GAP43: variants seen among roughly 807,000 people sequenced by gnomAD.
The protein encoded by GAP43 is growth associated protein 43.
In GAP43, 6 loss-of-function variants were observed where a neutral mutation model predicts 18.6. The ratio of observed to expected loss-of-function variants is 0.32; its 90% confidence interval spans 0.18 to 0.64. GAP43 has a LOEUF of 0.64. Among genes scored for constraint, GAP43 ranks in the 30% least tolerant of loss-of-function variants. The pLI, the probability that GAP43 is intolerant of heterozygous loss-of-function variation, is 0.78. For missense variants in GAP43, 292 were observed against 295.5 expected, an observed-to-expected ratio of 0.99 and a Z score of 0.09; for synonymous variants, 115 against 111.4, an observed-to-expected ratio of 1.03 and a Z score of -0.20.
chr3:115,692,724 G>A (rs1709129795), intron 2 of GAP43, among the ~76,000 whole-genome samples: 1 of 152,126 alleles, frequency 6.6e-6, no homozygotes, highest in Non-Finnish European at 1.5e-5. Flanking sequence ...AGCAAATAGA[G>A]GGTGGTTAAA....
At chr3:115,692,476 CA>C (rs1257292150) in intron 2 of GAP43, among the ~76,000 whole-genome samples, 1 of 151,990 alleles carries the variant, frequency 6.6e-6, no homozygotes, top group Non-Finnish European at 1.5e-5. Context: ...AAAACAGAAA[CA>C]AAAAAGACTC....
intron 1 of GAP43, among the ~76,000 whole-genome samples, chr3:115,653,432 A>C (rs1392881589): frequency 6.6e-6 from 1 of 152,052 alleles, no homozygotes; most frequent in Non-Finnish European, 1.5e-5. Context: ...ACAGAGTGAG[A>C]CTCTGTCTTA....
chr3:115,629,859 T>C (rs1295082555), intron 1 of GAP43, among the ~76,000 whole-genome samples: 1 of 152,168 alleles, frequency 6.6e-6, no homozygotes, highest in African/African-American at 2.4e-5. Flanking sequence ...CTAGGAGATT[T>C]TTAAAAAAAT....
chr3:115,687,115 C>CTTTT (rs34355376), intron 2 of GAP43, among the ~76,000 whole-genome samples: 2 of 140,212 alleles, frequency 1.4e-5, no homozygotes, highest in Admixed American at 7.0e-5. Flanking sequence ...AATCCCCCCT[C>CTTTT]TTTTTTTTTT....
intron 1 of GAP43, among the ~76,000 whole-genome samples, chr3:115,667,433 G>C (rs1392769406): frequency 6.6e-6 from 1 of 152,196 alleles, no homozygotes; most frequent in African/African-American, 2.4e-5. Flanking sequence ...AACTTATGAA[G>C]GGGGTTTAAT....
chr3:115,693,088 C>T (rs1709134850), intron 2 of GAP43, among the ~76,000 whole-genome samples: 1 of 152,114 alleles, frequency 6.6e-6, no homozygotes, highest in African/African-American at 2.4e-5. Context: ...ACACTGGTGC[C>T]CTCTGCTGGG....
At chr3:115,683,086 C>G (rs573047854) in intron 2 of GAP43, among the ~76,000 whole-genome samples, 1 of 151,802 alleles carries the variant, frequency 6.6e-6, no homozygotes, top group African/African-American at 2.4e-5. Flanking sequence ...TATTAACACA[C>G]ATTCATAAAA....
chr3:115,657,289 A>C (rs1386623047), intron 1 of GAP43, among the ~76,000 whole-genome samples: 1 of 152,176 alleles, frequency 6.6e-6, no homozygotes, highest in Non-Finnish European at 1.5e-5. Context: ...CTAAGGAGAA[A>C]GACTGCTTAG....
intron 1 of GAP43, among the ~76,000 whole-genome samples, chr3:115,671,620 A>G (rs1172672385): frequency 6.6e-6 from 1 of 152,242 alleles, no homozygotes; most frequent in African/African-American, 2.4e-5. Flanking sequence ...AATGTACTGC[A>G]CTGGAATGTC....
At chr3:115,653,167 C>A (rs187306592) in intron 1 of GAP43, among the ~76,000 whole-genome samples, 1 of 152,066 alleles carries the variant, frequency 6.6e-6, no homozygotes, top group African/African-American at 2.4e-5. Context: ...GGGCTAGGTG[C>A]GGTGGCTCAT....
intron 1 of GAP43, among the ~76,000 whole-genome samples, chr3:115,671,883 G>C (rs1010353231): frequency 6.6e-6 from 1 of 152,174 alleles, no homozygotes; most frequent in African/African-American, 2.4e-5. Flanking sequence ...TGTAAGATCA[G>C]GTGTCTACTG....
intron 2 of GAP43, among the ~76,000 whole-genome samples, chr3:115,709,225 G>A (rs150292603): frequency 2.0e-5 from 3 of 152,140 alleles, no homozygotes; most frequent in Non-Finnish European, 4.4e-5. Context: ...TACTCCAGAC[G>A]CCCTGCCTCC....
intron 2 of GAP43, among the ~76,000 whole-genome samples, chr3:115,689,583 C>T (rs1056941893): frequency 6.6e-5 from 10 of 152,162 alleles, no homozygotes; most frequent in African/African-American, 1.7e-4. Context: ...TTTTCCATGA[C>T]CCATTTCTAA....
chr3:115,694,761 C>T (rs1332821173), intron 2 of GAP43, among the ~76,000 whole-genome samples: 1 of 152,176 alleles, frequency 6.6e-6, no homozygotes, highest in Non-Finnish European at 1.5e-5. Context: ...AGGAACAGCA[C>T]ATTTACAGTA....
chr3:115,702,543 C>T (rs753017580), intron 2 of GAP43, among the ~76,000 whole-genome samples: 1 of 152,024 alleles, frequency 6.6e-6, no homozygotes, highest in Non-Finnish European at 1.5e-5. Context: ...CAAAATGCAC[C>T]AACAGTTAAG....
chr3:115,652,328 G>A (rs182400926), intron 1 of GAP43, among the ~76,000 whole-genome samples: 4 of 95,050 alleles, frequency 4.2e-5, no homozygotes, highest in African/African-American at 1.5e-4. Context: ...CTATATTCCT[G>A]TATTCCTGAT....
intron 2 of GAP43, among the ~76,000 whole-genome samples, chr3:115,704,296 C>T (rs1232212292): frequency 1.3e-5 from 2 of 152,026 alleles, no homozygotes; most frequent in African/African-American, 2.4e-5. Context: ...GTGCAACGAT[C>T]TCTTAAATTC....
chr3:115,648,339 C>T (rs1708482339), intron 1 of GAP43, among the ~76,000 whole-genome samples: 1 of 152,052 alleles, frequency 6.6e-6, no homozygotes, highest in South Asian at 2.1e-4. Flanking sequence ...GGCTCTTTGT[C>T]CTGCTCTGTT....
At chr3:115,696,576 C>CCA (rs1709192652) in intron 2 of GAP43, among the ~76,000 whole-genome samples, 6 of 78,680 alleles carry the variant, frequency 7.6e-5, no homozygotes, top group Admixed American at 1.4e-4. Context: ...CTGCCCCCCA[C>CCA]CGCCCCCCCC....
Sources: gnomAD v4.1 joint callset for allele counts (sites outside exome capture counted in the v4.1 genomes callset) on GRCh38, gnomAD v4.1.1 for gene constraint, MANE v1.5 for transcripts, NCBI Gene and HGNC (gene_info 2026-07-23, HGNC 2026-07-21) for gene names.